The following ACP3 variants were observed in gnomAD, a reference collection of about 807,000 sequenced individuals.
The protein encoded by ACP3 is prostatic acid phosphatase.
A neutral mutation model predicts 45.6 loss-of-function variants in ACP3; 38 were observed. The observed-to-expected ratio is 0.83, with a 90% CI of 0.64 to 1.09. The LOEUF (loss-of-function observed/expected upper bound fraction) is 1.09. Ranked by LOEUF, ACP3 falls within the 50% of genes least tolerant of loss-of-function variation. ACP3 has a pLI of 0.00. For missense variants in ACP3, 466 were observed against 463.2 expected (o/e 1.01, Z -0.05); for synonymous variants, 162 against 164.7 (o/e 0.98, Z 0.13).
In ACP3 at chr3:132,364,348, AAAAAAC is replaced by A. The variant is rs147584177; in HGVS notation, c.1139-3334_1139-3329del. Among the ~76,000 whole-genome samples the A allele has an allele frequency of 5.6e-3, 856 of 151,702 alleles. 10 individuals are homozygous for A. The highest frequency in any genetic ancestry group is 0.019 in the African/African-American group (778 of 41,268). ...GAGCAATGCAGTGAGACCCTATCTC[AAAAAAC>A]AAAAACAAAAACAAAAACAAACTGG... On this transcript the variant is annotated intron_variant, in intron 10 of 10. Coordinates refer to the ACP3 transcript ENST00000351273.
intron 1 of ACP3, among the ~76,000 whole-genome samples, chr3:132,322,950 C>T (rs1393072796): frequency 1.3e-5 from 2 of 152,174 alleles, no homozygotes. Context: ...CTCAGTGTGC[C>T]CCTTCTTGTC....
intron 5 of ACP3, 146 bp downstream of exon 5, chr3:132,337,700 A>G: frequency 5.7e-6 from 3 of 530,100 alleles, no homozygotes; most frequent in African/African-American, 1.9e-5. Flanking sequence ...ATGGGTTAGA[A>G]TATTTAATGA....
Position 132,317,512 on chromosome 3 carries a change from T to C in ACP3, c.56T>C (p.Leu19Ser). 1.2e-6 allele frequency: 2 copies of C among 1,613,750 alleles called. No individual in the cohort carries two copies. The highest frequency in any genetic ancestry group is 1.7e-6 in the Non-Finnish European group (2 of 1,179,806). Residue 19 changes from leucine (L) to serine (S), a missense_variant, in exon 1 of 10, where the codon TTG becomes TCG. Transcript: ENST00000336375. ...GCAGCAAGCCTTAGCCTTGGCTTCT[T>C]GTTTCTGCTTTTTTTCTGGCTAGAC... ...ARAASLSLGF[L>S]FLLFFWLDRS...
At chr3:132,339,289 C>T (rs1937525401) in intron 5 of ACP3, among the ~76,000 whole-genome samples, 1 of 152,086 alleles carries the variant, frequency 6.6e-6, no homozygotes, top group Non-Finnish European at 1.5e-5. Flanking sequence ...TTGAAAACAC[C>T]AATCAACACA....
intron 9 of ACP3, 53 bp downstream of exon 9, chr3:132,352,876 T>C: frequency 7.5e-7 from 1 of 1,328,696 alleles, no homozygotes; most frequent in East Asian, 2.3e-5. Context: ...TGGGTTTCAT[T>C]ATTATTATTT....
rs1164146717 is a variant in ACP3 at position 132,357,766 on chromosome 3, G to A, written c.*888G>A. On this transcript the variant is annotated 3_prime_UTR_variant, in exon 10 of 10. Transcript: ENST00000336375. ...AGTTGATTTAAGGCCAGGCATGGTG[G>A]TTTACGCCTATAATCCCAGCATTTT... 29 of 984,632 alleles carry A rather than the reference G, an allele frequency of 2.9e-5. No homozygotes were observed. Among genetic ancestry groups the A allele is most frequent in the Non-Finnish European group, 3.5e-5 (29 of 829,346 alleles). 61.0% of individuals were successfully genotyped at this position (984,632 alleles called of 1,614,324 possible). A position where few individuals can be genotyped will look rare whatever the true frequency, so the allele number is the denominator to read the frequency against.
rs1384251372 is a variant in ACP3 at position 132,340,566 on chromosome 3, A to G, written c.556-1986A>G. On this transcript the variant is annotated intron_variant, in intron 5 of 9. Coordinates refer to ENST00000336375, the MANE Select transcript of ACP3 (RefSeq NM_001099.5). ...AGCTTCATTTCTCATTTATATATTG[A>G]ATTCATTTACAGTTCATACTGGTAG... 2.6e-5 allele frequency among the ~76,000 whole-genome samples: 4 copies of G among 152,116 alleles called. No individual in the cohort carries two copies. In the East Asian group the frequency reaches 7.7e-4, roughly 29 times the overall value.
chr3:132,320,689 C>T (rs558665427), intron 1 of ACP3, among the ~76,000 whole-genome samples: 234 of 146,800 alleles, frequency 1.6e-3, no homozygotes, highest in African/African-American at 5.5e-3. Context: ...CTTACTCTGT[C>T]GCCCAGGCTG....
chr3:132,342,656 A>AC lies in ACP3; in HGVS notation c.648+12_648+13insC. 6.6e-7 allele frequency: 1 copy of AC among 1,512,436 alleles called. No individual in the cohort carries two copies. The highest frequency in any genetic ancestry group is 9.0e-7 in the Non-Finnish European group (1 of 1,110,156). 93.7% of individuals were successfully genotyped at this position (1,512,436 alleles called of 1,614,324 possible). A position where few individuals can be genotyped will look rare whatever the true frequency, so the allele number is the denominator to read the frequency against. On this transcript the variant is annotated intron_variant, in intron 6 of 9. Coordinates refer to ENST00000336375, the MANE Select transcript of ACP3 (RefSeq NM_001099.5). ...CTTTATATTGTGAGGTAAAAGAAAA[A>AC]AAAATCACAGGTTAACTTGCAATCT... is the stretch of plus-strand genomic sequence containing the variant.
At chr3:132,331,148 T>C (rs1239929933) in intron 2 of ACP3, among the ~76,000 whole-genome samples, 1 of 152,198 alleles carries the variant, frequency 6.6e-6, no homozygotes, top group African/African-American at 2.4e-5. Flanking sequence ...AGACCACACT[T>C]AGAGTAACAT....
chr3:132,355,911 C>A (rs1937882730), intron 9 of ACP3, among the ~76,000 whole-genome samples: 1 of 113,366 alleles, frequency 8.8e-6, no homozygotes, highest in African/African-American at 2.9e-5. Context: ...CCAAAAGTAG[C>A]CATTGTAAGG....
Position 132,367,824 on chromosome 3 carries a change from C to T in ACP3, c.*2C>T, listed in dbSNP as rs371274032. On this transcript the variant is annotated 3_prime_UTR_variant, in exon 11 of 11. Transcript: ENST00000351273. The stretch of plus-strand genomic sequence containing the variant: ...AGAGAATCCTATGGGAACATCTGAA[C>T]AGACAGCTGGATAAGCCAGGCCAAC... The T allele has an allele frequency of 2.9e-5, 46 of 1,604,046 alleles. No homozygotes were observed. In the African/African-American group the frequency reaches 6.0e-4, roughly 21 times the overall value.
intron 1 of ACP3, among the ~76,000 whole-genome samples, chr3:132,325,896 T>C (rs956004395): frequency 3.3e-5 from 5 of 152,246 alleles, no homozygotes; most frequent in Non-Finnish European, 1.5e-5. Context: ...AACTGCTTTG[T>C]GGAACTGATG....
At chr3:132,332,098 G>T in intron 3 of ACP3, 94 bp from the exon 4 acceptor site, 1 of 1,329,422 alleles carries the variant, frequency 7.5e-7, no homozygotes, top group Non-Finnish European at 1.1e-6. Flanking sequence ...TTCACTGTGG[G>T]TGTCCTTTCC....
chr3:132,346,848 C>T (rs1159745213), intron 7 of ACP3, among the ~76,000 whole-genome samples: 1 of 152,210 alleles, frequency 6.6e-6, no homozygotes, highest in Non-Finnish European at 1.5e-5. Context: ...GCATCAACTA[C>T]CACCTGGCTA....
At chr3:132,347,871 A>ACACC (rs766142673) in intron 7 of ACP3, among the ~76,000 whole-genome samples, 13 of 151,094 alleles carry the variant, frequency 8.6e-5, no homozygotes, top group Admixed American at 8.6e-4. Flanking sequence ...ACACACACAC[A>ACACC]CCAAAAAAAT....
chr3:132,360,313 T>TG (rs1299996702), downstream of ACP3, among the ~76,000 whole-genome samples: 2 of 96,504 alleles, frequency 2.1e-5, no homozygotes, highest in East Asian at 5.9e-4. Context: ...TGTAATTCAT[T>TG]GGAAAAAAAA....
intron 6 of ACP3, among the ~76,000 whole-genome samples, chr3:132,343,549 A>G (rs1415824031): frequency 6.6e-6 from 1 of 152,042 alleles, no homozygotes; most frequent in Non-Finnish European, 1.5e-5. Context: ...CTTCCTTACT[A>G]CAGTTTGATC....
rs558111631 is a variant in ACP3, at chr3:132,318,561, C to T, written c.120+985C>T. ...TTTACTTTCTACAGAAAATATGATACCCATGTGCTTATTTGAATCATTATT... is the reference window on the plus strand; with the variant it reads ...TTTACTTTCTACAGAAAATATGATATCCATGTGCTTATTTGAATCATTATT... On this transcript the variant is annotated intron_variant, in intron 1 of 9. Coordinates refer to ENST00000336375, the MANE Select transcript of ACP3 (RefSeq NM_001099.5). Among the ~76,000 whole-genome samples, 75 of 151,286 alleles carry T rather than the reference C, an allele frequency of 5.0e-4. No individual in the cohort carries two copies. The Middle Eastern group carries it at 0.01, about 21-fold the overall frequency.
Sources: gnomAD v4.1 joint callset for allele counts (sites outside exome capture counted in the v4.1 genomes callset) on GRCh38, gnomAD v4.1.1 for gene constraint, MANE v1.5 for transcripts, NCBI Gene and HGNC (gene_info 2026-07-23, HGNC 2026-07-21) for gene names.